Variants in COTL1 observed in about 807,000 individuals in gnomAD.
COTL1 encodes the protein coactosin like F-actin binding protein 1.
In COTL1, 15 loss-of-function variants were observed where a neutral mutation model predicts 16.5. The ratio of observed to expected loss-of-function variants is 0.91; its 90% CI spans 0.61 to 1.40. COTL1 has a LOEUF of 1.40. Ranked by LOEUF, COTL1 falls within the 40% of genes most tolerant of loss-of-function variation. The pLI, the probability that COTL1 is intolerant of heterozygous loss-of-function variation, is 0.00. For missense variants in COTL1, 220 were observed against 201.5 expected (o/e 1.09, Z -0.56); for synonymous variants, 112 against 85.3 (o/e 1.31, Z -1.73).
At chr16:84,572,424 C>G (rs1056263611) in intron 3 of COTL1, among the ~76,000 whole-genome samples, 3 of 152,176 alleles carry the variant, frequency 2.0e-5, no homozygotes, top group African/African-American at 7.2e-5. Flanking sequence ...CAGAAGGAGA[C>G]TTCCAGGGCC....
chr16:84,566,747 C>T lies in COTL1; in HGVS notation c.*98G>A, dbSNP rs746629605. 6.7e-4 allele frequency: 518 copies of T among 777,646 alleles called. No individual in the cohort carries two copies. The highest frequency in any genetic ancestry group is 1.1e-3 in the Non-Finnish European group (487 of 460,234). The allele number at this position is 777,646 out of a possible 1,614,324, so 48.2% of individuals were successfully genotyped here. A position where few individuals can be genotyped will look rare whatever the true frequency, so the allele number is the denominator to read the frequency against. ...GCTGCCTCTCATGGCTTCTTTTCTC[C>T]CTGGTGGGCTGGTGGGCTAGTAGCT... On this transcript the variant is annotated 3_prime_UTR_variant, in exon 4 of 4. Coordinates refer to ENST00000262428, the MANE Select transcript of COTL1 (RefSeq NM_021149.5).
intron 3 of COTL1, among the ~76,000 whole-genome samples, chr16:84,573,695 G>A (rs1398090121): frequency 6.6e-6 from 1 of 150,850 alleles, no homozygotes; most frequent in East Asian, 1.9e-4. Context: ...AGCTTAGATC[G>A]CACCATTGCA....
At chr16:84,595,088 AAGTACCAGCCC>A (rs1904966932) in intron 2 of COTL1, 1 of 151,946 alleles carries the variant, frequency 6.6e-6, no homozygotes, top group Non-Finnish European at 1.5e-5. Context: ...CCTGTGTCCC[AAGTACCAGCCC>A]AGGGCCTGGC....
intron 3 of COTL1, among the ~76,000 whole-genome samples, chr16:84,578,131 C>T (rs1000344734): frequency 6.6e-6 from 1 of 152,020 alleles, no homozygotes; most frequent in African/African-American, 2.4e-5. Flanking sequence ...TCCCTTAACC[C>T]GGAGCTCCAA....
chr16:84,613,441 C>G (rs1176341279), intron 2 of COTL1, among the ~76,000 whole-genome samples: 1 of 152,090 alleles, frequency 6.6e-6, no homozygotes, highest in Non-Finnish European at 1.5e-5. Flanking sequence ...ATCAAAAGCA[C>G]CAAGACGGGA....
At chr16:84,601,865 C>A (rs1302532134) in intron 2 of COTL1, among the ~76,000 whole-genome samples, 1 of 152,208 alleles carries the variant, frequency 6.6e-6, no homozygotes, top group Non-Finnish European at 1.5e-5. Flanking sequence ...CCAGACAAAG[C>A]AACAGCCTCT....
At chr16:84,598,771 AGGAGACCAAGCG>A (rs1453723734) in intron 2 of COTL1, among the ~76,000 whole-genome samples, 11 of 128,472 alleles carry the variant, frequency 8.6e-5, no homozygotes, top group Non-Finnish European at 1.1e-4. Context: ...GAGACCAAGC[AGGAGACCAAGCG>A]GGAGAACCAA....
chr16:84,589,699 G>T (rs1049030391), intron 3 of COTL1, among the ~76,000 whole-genome samples: 6 of 152,046 alleles, frequency 3.9e-5, no homozygotes, highest in Non-Finnish European at 7.4e-5. Context: ...CTTAAAGTAG[G>T]CACTGTTCAG....
At chr16:84,604,099 C>A (rs549078678) in intron 2 of COTL1, among the ~76,000 whole-genome samples, 1,530 of 138,812 alleles carry the variant, frequency 0.011, 41 homozygotes, top group African/African-American at 0.041. Flanking sequence ...GCCTTCTCAC[C>A]CATGCTCCCC....
chr16:84,584,560 C>T (rs1202987255), intron 3 of COTL1, among the ~76,000 whole-genome samples: 1 of 152,154 alleles, frequency 6.6e-6, no homozygotes, highest in Non-Finnish European at 1.5e-5. Flanking sequence ...TGAGGCCAGA[C>T]CCTTCCTGTG....
chr16:84,590,439 G>T lies in COTL1; in HGVS notation c.161-177C>A, dbSNP rs1904836540. The T allele has an allele frequency of 5.1e-6, 3 of 591,000 alleles. No homozygotes were observed. Among genetic ancestry groups the T allele is most frequent in the South Asian group, 5.1e-5 (2 of 39,566 alleles). 36.6% of individuals were successfully genotyped at this position (591,000 alleles called of 1,614,324 possible). A position where few individuals can be genotyped will look rare whatever the true frequency, so the allele number is the denominator to read the frequency against. Reference sequence around the variant, plus strand: ...AGGGAAGCACTCATCCGCTGCCCTTGTCACACTCCCCTGAATCCTGGCAAC... The same window carrying T: ...AGGGAAGCACTCATCCGCTGCCCTTTTCACACTCCCCTGAATCCTGGCAAC... On this transcript the variant is annotated intron_variant, in intron 2 of 3. Transcript: ENST00000262428. This position sits in a 1 kb window ranked among gnomAD's most constrained non-coding sequence, Gnocchi z 5.5.
chr16:84,595,841 A>T lies in COTL1; in HGVS notation c.161-5579T>A, dbSNP rs1904990839. 4.6e-5 allele frequency: 7 copies of T among 152,202 alleles called. No individual in the cohort carries two copies. The South Asian group carries it at 1.5e-3, about 32-fold the overall frequency. The allele number at this position is 152,202 out of a possible 1,614,324, so 9.4% of individuals were successfully genotyped here. A position where few individuals can be genotyped will look rare whatever the true frequency, so the allele number is the denominator to read the frequency against. On this transcript the variant is annotated intron_variant, in intron 2 of 3. Coordinates refer to ENST00000262428, the MANE Select transcript of COTL1 (RefSeq NM_021149.5). ...TGTATATACATACATTTGTGAGTAC[A>T]GGTGTATATATGTGTGTATATATAT...
chr16:84,583,337 A>C (rs1438231902), intron 3 of COTL1, among the ~76,000 whole-genome samples: 1 of 152,210 alleles, frequency 6.6e-6, no homozygotes, highest in Non-Finnish European at 1.5e-5. Context: ...GGCCACAATA[A>C]AACTATTGTT....
Position 84,592,808 on chromosome 16 carries a change from AG to A in COTL1, c.161-2547del, listed in dbSNP as rs144650776. Reference sequence around the variant, plus strand: ...ACCAGCACGTTCGCCTTCAACAAGAAGCCGGGTGGTCTAACGGGTCATCCAT... The same window carrying A: ...ACCAGCACGTTCGCCTTCAACAAGAACCGGGTGGTCTAACGGGTCATCCAT... On this transcript the variant is annotated intron_variant, in intron 2 of 3. Coordinates refer to ENST00000262428, the MANE Select transcript of COTL1 (RefSeq NM_021149.5). 5.4e-3 allele frequency among the ~76,000 whole-genome samples: 819 copies of A among 152,202 alleles called. 7 individuals carry two copies. Among genetic ancestry groups the A allele is most frequent in the South Asian group, 0.015 (71 of 4,816 alleles).
Position 84,589,924 on chromosome 16 carries a change from G to T in COTL1, c.318+181C>A, listed in dbSNP as rs1244176634. Among the ~76,000 whole-genome samples the T allele has an allele frequency of 2.6e-5, 4 of 152,198 alleles. No individual in the cohort carries two copies. The East Asian group carries it at 5.8e-4, about 22-fold the overall frequency. On this transcript the variant is annotated intron_variant, in intron 3 of 3. Coordinates refer to ENST00000262428, the MANE Select transcript of COTL1 (RefSeq NM_021149.5). ...AAACACAGTTAACTCCTCCTAGCCAGCATCCTGAAACAATTCTGGTGACAT... is the reference window on the plus strand; with the variant it reads ...AAACACAGTTAACTCCTCCTAGCCATCATCCTGAAACAATTCTGGTGACAT...
At chr16:84,610,604 G>A (rs570934954) in intron 2 of COTL1, among the ~76,000 whole-genome samples, 111 of 152,342 alleles carry the variant, frequency 7.3e-4, no homozygotes, top group Middle Eastern at 6.8e-3. Flanking sequence ...TCGGTTAGCA[G>A]AAGAGTGGCT....
At chr16:84,615,057 C>A (rs1164985890) in intron 2 of COTL1, among the ~76,000 whole-genome samples, 1 of 152,218 alleles carries the variant, frequency 6.6e-6, no homozygotes, top group Non-Finnish European at 1.5e-5. Flanking sequence ...GCACGTCGAG[C>A]GTGGTGACTG....
intron 2 of COTL1, among the ~76,000 whole-genome samples, chr16:84,613,058 C>T (rs1018630857): frequency 6.7e-6 from 1 of 149,246 alleles, no homozygotes; most frequent in African/African-American, 2.5e-5. Context: ...TAGAGTACAA[C>T]AGCGCGATCT....
chr16:84,598,032 G>C (rs1005481645), intron 2 of COTL1, among the ~76,000 whole-genome samples: 5 of 152,142 alleles, frequency 3.3e-5, no homozygotes, highest in Non-Finnish European at 7.4e-5. Context: ...CCCATCTCAG[G>C]GCTGCCGTCA....
Sources: gnomAD v4.1 joint callset for allele counts (sites outside exome capture counted in the v4.1 genomes callset) on GRCh38, gnomAD v4.1.1 for gene constraint, Gnocchi (gnomAD v3.1) non-coding constraint, MANE v1.5 for transcripts, NCBI Gene and HGNC (gene_info 2026-07-23, HGNC 2026-07-21) for gene names.